The following CDH12 variants were observed in gnomAD, a reference collection of about 807,000 sequenced individuals.
The protein encoded by CDH12 is cadherin-12.
In CDH12, 41 loss-of-function variants were observed where a neutral mutation model predicts 74.1. That is an observed-to-expected ratio of 0.55 (90% CI 0.43 to 0.72). CDH12 has a LOEUF of 0.72. CDH12 is among the 30% of genes least tolerant of loss of function. The pLI is 0.00. For missense variants in CDH12, 945 were observed against 977.2 expected, an observed-to-expected ratio of 0.97 and a Z score of 0.44; for synonymous variants, 399 against 355.0, an observed-to-expected ratio of 1.12 and a Z score of -1.39.
At chr5:22,322,374 A>AAAC (rs1554031536) in intron 3 of CDH12, among the ~76,000 whole-genome samples, 3 of 151,742 alleles carry the variant, frequency 2.0e-5, no homozygotes, top group Non-Finnish European at 4.4e-5. Context: ...TTTAAAAAAA[A>AAAC]AAAACATGGT....
In CDH12 at chr5:22,373,100, C is replaced by A. The variant is rs528451489; in HGVS notation, c.-333+32157G>T. Among the ~76,000 whole-genome samples the A allele has an allele frequency of 2.0e-5, 3 of 152,234 alleles. No homozygotes were observed. The East Asian group carries it at 5.8e-4, about 30-fold the overall frequency. On this transcript the variant is annotated intron_variant, in intron 3 of 14. Coordinates refer to ENST00000382254, the MANE Select transcript of CDH12 (RefSeq NM_004061.5). ...GCACCTGAATGCACCATAACAAGGGCACCTGAGGACAAGCCCACCAGCCAA... is the reference window on the plus strand; with the variant it reads ...GCACCTGAATGCACCATAACAAGGGAACCTGAGGACAAGCCCACCAGCCAA...
chr5:22,101,963 A>G (rs952947829), intron 4 of CDH12, among the ~76,000 whole-genome samples: 5 of 152,174 alleles, frequency 3.3e-5, no homozygotes, highest in Non-Finnish European at 7.3e-5. Context: ...GGGTATGACT[A>G]TGTTCCAATA....
chr5:22,575,641 T>C (rs1280135633), intron 1 of CDH12, among the ~76,000 whole-genome samples: 1 of 152,156 alleles, frequency 6.6e-6, no homozygotes, highest in Admixed American at 6.5e-5. Context: ...CTCGGATCAC[T>C]ACAACGTCTG....
Position 21,833,330 on chromosome 5 carries a change from T to A in CDH12, c.814+8831A>T, listed in dbSNP as rs1474824490. Among the ~76,000 whole-genome samples the A allele has an allele frequency of 3.7e-4, 23 of 61,346 alleles. 3 individuals are homozygous for A. The highest frequency in any genetic ancestry group is 4.8e-4 in the Non-Finnish European group (20 of 41,794). The allele number at this position is 61,346 out of a possible 152,430, so 40.2% of individuals were successfully genotyped here. ...ATGTTATATGTTATATAATATATAT[T>A]ATATATTATATAACATATAATATAT... On this transcript the variant is annotated intron_variant, in intron 8 of 14. Coordinates refer to ENST00000382254, the MANE Select transcript of CDH12 (RefSeq NM_004061.5).
At chr5:22,793,506 A>G (rs1487034072) in intron 1 of CDH12, among the ~76,000 whole-genome samples, 2 of 152,200 alleles carry the variant, frequency 1.3e-5, no homozygotes, top group Admixed American at 1.3e-4. Flanking sequence ...ACCATTGTAT[A>G]CTGTCTCTTA....
At chr5:22,656,846 G>T (rs1740063416) in intron 1 of CDH12, among the ~76,000 whole-genome samples, 1 of 152,108 alleles carries the variant, frequency 6.6e-6, no homozygotes, top group Non-Finnish European at 1.5e-5. Context: ...GTTGGAGAGA[G>T]AGAAAGAGAG....
chr5:22,646,406 G>A (rs1046067799), intron 1 of CDH12, among the ~76,000 whole-genome samples: 4 of 151,726 alleles, frequency 2.6e-5, no homozygotes, highest in Non-Finnish European at 5.9e-5. Flanking sequence ...TTCAATTACT[G>A]AAGAAGCACC....
intron 6 of CDH12, chr5:21,883,149 T>A: frequency 1.3e-6 from 2 of 1,529,194 alleles, no homozygotes; most frequent in Admixed American, 1.7e-5. Flanking sequence ...CAATATCATC[T>A]CTGATGCAAT....
At chr5:22,542,499 C>T (rs1319813438) in intron 1 of CDH12, among the ~76,000 whole-genome samples, 1 of 152,082 alleles carries the variant, frequency 6.6e-6, no homozygotes, top group Non-Finnish European at 1.5e-5. Flanking sequence ...CCAGAAGTGG[C>T]TCTGGAATTA....
intron 6 of CDH12, among the ~76,000 whole-genome samples, chr5:21,954,484 C>A (rs2150104118): frequency 6.6e-6 from 1 of 152,126 alleles, no homozygotes; most frequent in South Asian, 2.1e-4. Flanking sequence ...TGACTTTATT[C>A]TTTATGAAGA....
intron 3 of CDH12, among the ~76,000 whole-genome samples, chr5:22,276,879 T>C (rs1181052028): frequency 2.0e-5 from 3 of 152,138 alleles, no homozygotes; most frequent in Admixed American, 6.5e-5. Flanking sequence ...CAATAATGTA[T>C]TTAAATCTCA....
intron 4 of CDH12, among the ~76,000 whole-genome samples, chr5:22,114,731 A>T (rs548419977): frequency 6.6e-6 from 1 of 152,284 alleles, no homozygotes; most frequent in African/African-American, 2.4e-5. Context: ...TAAGGATTCT[A>T]TTTGAAGCCA....
chr5:21,883,572 G>A, intron 6 of CDH12: 1 of 1,606,326 alleles, frequency 6.2e-7, no homozygotes, highest in South Asian at 1.1e-5. Context: ...GTTTGGAGAA[G>A]AGGGGTTGAC....
intron 4 of CDH12, among the ~76,000 whole-genome samples, chr5:22,206,851 T>C (rs573222838): frequency 2.0e-5 from 3 of 151,022 alleles, no homozygotes; most frequent in Non-Finnish European, 2.9e-5. Flanking sequence ...TTAGTGAGTG[T>C]GAGGAAATAA....
chr5:21,926,648 A>G (rs2150076750), intron 6 of CDH12, among the ~76,000 whole-genome samples: 1 of 152,336 alleles, frequency 6.6e-6, no homozygotes, highest in Non-Finnish European at 1.5e-5. Flanking sequence ...CCATAAAAGC[A>G]AGATTTAATA....
At chr5:22,385,858 G>C (rs571459930) in intron 3 of CDH12, among the ~76,000 whole-genome samples, 38 of 151,530 alleles carry the variant, frequency 2.5e-4, no homozygotes, top group African/African-American at 8.5e-4. Flanking sequence ...GCAGGAGAAA[G>C]GGAGAGAAGG....
At chr5:22,719,244 C>A (rs1477732066) in intron 1 of CDH12, among the ~76,000 whole-genome samples, 1 of 152,094 alleles carries the variant, frequency 6.6e-6, no homozygotes, top group Non-Finnish European at 1.5e-5. Context: ...GTTGGCATCC[C>A]TGCTTGTTAC....
intron 3 of CDH12, among the ~76,000 whole-genome samples, chr5:22,298,397 A>C (rs1434855247): frequency 1.3e-5 from 2 of 152,020 alleles, no homozygotes; most frequent in South Asian, 2.1e-4. Context: ...TAAGTTCTAT[A>C]CATGTTTCTA....
chr5:21,945,838 G>A (rs1442826987), intron 6 of CDH12, among the ~76,000 whole-genome samples: 4 of 151,946 alleles, frequency 2.6e-5, no homozygotes, highest in South Asian at 2.1e-4. Context: ...TATAGAAGAC[G>A]AGGAGATAGA....
Sources: gnomAD v4.1 joint callset for allele counts (sites outside exome capture counted in the v4.1 genomes callset) on GRCh38, gnomAD v4.1.1 for gene constraint, MANE v1.5 for transcripts, NCBI Gene and HGNC (gene_info 2026-07-23, HGNC 2026-07-21) for gene names.